FAM53A: variants seen among roughly 807,000 people sequenced by gnomAD.
FAM53A encodes the protein family with sequence similarity 53 member A, also known as protein FAM53A.
Under a neutral mutation model 26.6 loss-of-function variants are expected in FAM53A, and 28 were observed. The observed-to-expected ratio is 1.05, with a 90% CI of 0.78 to 1.45. The LOEUF (loss-of-function observed/expected upper bound fraction) is 1.45, where lower values mean the gene tolerates loss of function less well. Among genes scored for constraint, FAM53A ranks in the 40% most tolerant of loss-of-function variants. FAM53A has a pLI of 0.00. For synonymous variants in FAM53A, 290 were observed against 253.1 expected (o/e 1.15, Z -1.38); for missense variants, 650 against 575.8 (o/e 1.13, Z -1.32).
chr4:1,601,536 C>A, the FAM53A span, among the ~76,000 whole-genome samples: 3 of 112,456 alleles, frequency 2.7e-5, 1 homozygote, highest in Non-Finnish European at 6.5e-5. Flanking sequence ...CAGCCCCCAC[C>A]TGGAAAGTCT....
chr4:1,636,942 A>C (rs1715870424), downstream of FAM53A, among the ~76,000 whole-genome samples: 1 of 151,726 alleles, frequency 6.6e-6, no homozygotes, highest in African/African-American at 2.4e-5. Flanking sequence ...AGTGTTACCC[A>C]TGGCCCCAGC....
intron 1 of FAM53A, among the ~76,000 whole-genome samples, chr4:1,632,067 G>A (rs776245132): frequency 1.3e-5 from 2 of 151,774 alleles, no homozygotes; most frequent in African/African-American, 4.8e-5. Flanking sequence ...AGGAGGGTGA[G>A]GTAGGAGAAT....
chr4:1,673,900 G>A (rs2109032124), intron 1 of FAM53A, among the ~76,000 whole-genome samples: 1 of 152,394 alleles, frequency 6.6e-6, no homozygotes, highest in East Asian at 1.9e-4. Flanking sequence ...CCTGCTGGGA[G>A]CCCAGGAGAC....
At chr4:1,576,684 G>GC in the FAM53A span, among the ~76,000 whole-genome samples, 2 of 152,230 alleles carry the variant, frequency 1.3e-5, no homozygotes, top group African/African-American at 4.8e-5. Flanking sequence ...CGGTGGGCAG[G>GC]CCGGGGACGC....
At chr4:1,658,882 G>A (rs866869206) in intron 2 of FAM53A, among the ~76,000 whole-genome samples, 2 of 152,242 alleles carry the variant, frequency 1.3e-5, no homozygotes, top group Non-Finnish European at 2.9e-5. Context: ...ACAAGGACAC[G>A]GCTGTCCCGC....
At chr4:1,656,120 G>T (rs1443911940) in intron 3 of FAM53A, among the ~76,000 whole-genome samples, 1 of 152,144 alleles carries the variant, frequency 6.6e-6, no homozygotes, top group Non-Finnish European at 1.5e-5. Context: ...GACTCTCCAG[G>T]GCCCCTTCTT....
chr4:1,670,818 C>T (rs1354253282), intron 1 of FAM53A, among the ~76,000 whole-genome samples: 1 of 152,176 alleles, frequency 6.6e-6, no homozygotes, highest in African/African-American at 2.4e-5. Flanking sequence ...CCACGCTGGT[C>T]GATGTCAGCT....
At chr4:1,597,764 A>G in the FAM53A span, among the ~76,000 whole-genome samples, 812 of 152,318 alleles carry the variant, frequency 5.3e-3, 8 homozygotes, top group African/African-American at 0.019. Context: ...GGGAGGCCTA[A>G]GCAGGCAGAT....
In FAM53A at chr4:1,659,870, G is replaced by A. The variant is rs1480550818; in HGVS notation, c.76-2402C>T. Among the ~76,000 whole-genome samples, 1 of 152,162 alleles carries A rather than the reference G, an allele frequency of 6.6e-6. No homozygotes were observed. The highest frequency in any genetic ancestry group is 1.9e-4 in the East Asian group (1 of 5,198). On this transcript the variant is annotated intron_variant, in intron 2 of 4. Transcript: ENST00000308132. This position sits in a 1 kb window ranked among gnomAD's most constrained non-coding sequence, Gnocchi z 5.2. ...TATGCGCACTTAATTCCATTCATGA[G>A]GGCACTGCCGCCATGACCTAAGCAC...
chr4:1,657,176 T>C (rs1713448525), intron 3 of FAM53A, among the ~76,000 whole-genome samples: 1 of 152,166 alleles, frequency 6.6e-6, no homozygotes, highest in African/African-American at 2.4e-5. Flanking sequence ...GGGAGAGACC[T>C]GGCTGGGCCC....
At chr4:1,650,326 T>G (rs1712658312) in intron 4 of FAM53A, among the ~76,000 whole-genome samples, 1 of 142,150 alleles carries the variant, frequency 7.0e-6, no homozygotes, top group Non-Finnish European at 1.5e-5. Context: ...AGGCATAGTG[T>G]TTGACTGTGA....
Position 1,655,353 on chromosome 4 carries a change from C to G in FAM53A, c.507G>C (p.Leu169=). ...ATRQGSPGAV[L]PRSAVWSTGP... ...CGGTCGACCACACAGCACTCCTCGG[C>G]AGGACGGCGCCGGGGCTTCCCTGCC... Residue 169 remains leucine, a synonymous_variant, in exon 4 of 5, where the codon CTG becomes CTC. Coordinates refer to ENST00000308132, the MANE Select transcript of FAM53A (RefSeq NM_001174070.3). 1 of 1,437,674 alleles carries G rather than the reference C, an allele frequency of 7.0e-7. No homozygotes were observed. Among genetic ancestry groups the G allele is most frequent in the Non-Finnish European group, 9.1e-7 (1 of 1,097,600 alleles). The allele number at this position is 1,437,674 out of a possible 1,614,324, so 89.1% of individuals were successfully genotyped here.
downstream of FAM53A, among the ~76,000 whole-genome samples, chr4:1,612,998 C>T (rs571426668): frequency 8.5e-5 from 13 of 152,316 alleles, no homozygotes; most frequent in East Asian, 3.9e-4. Flanking sequence ...CAGACACCTG[C>T]GCACACACTG....
At chr4:1,592,793 G>A in the FAM53A span, among the ~76,000 whole-genome samples, 1 of 152,148 alleles carries the variant, frequency 6.6e-6, no homozygotes, top group Non-Finnish European at 1.5e-5. Context: ...CCACAGGGAG[G>A]AGAGGCGGCC....
chr4:1,599,356 G>A, the FAM53A span, among the ~76,000 whole-genome samples: 3 of 152,202 alleles, frequency 2.0e-5, no homozygotes, highest in Non-Finnish European at 4.4e-5. This position sits in a 1 kb window ranked among gnomAD's most constrained non-coding sequence, Gnocchi z 6.1. Context: ...AGTGGGACTC[G>A]GGCCAGCCAG....
At chr4:1,586,001 T>A in the FAM53A span, among the ~76,000 whole-genome samples, 2 of 152,176 alleles carry the variant, frequency 1.3e-5, no homozygotes, top group Admixed American at 6.5e-5. Context: ...CCTCCCAAAG[T>A]GCTGGGATTA....
chr4:1,668,955 T>G (rs886164728), intron 1 of FAM53A, 50 bp from the exon 2 acceptor site: 6 of 520,536 alleles, frequency 1.2e-5, no homozygotes, highest in Non-Finnish European at 1.7e-5. Context: ...CAAAACCATT[T>G]TGTTGATGTT....
At position 1,655,379 on chromosome 4, in the gene FAM53A, G is replaced by A. The variant is rs771752382; in HGVS notation, c.481C>T (p.Arg161Trp). Reference protein sequence around the residue: ...RRCDSGGSATRQGSPGAVLPR... With the variant: ...RRCDSGGSATWQGSPGAVLPR... ...AGGACGGCGCCGGGGCTTCCCTGCC[G>A]CGTGGCACTCCCGCCGCTGTCGCAC... is the stretch of plus-strand genomic sequence containing the variant. Residue 161 changes from arginine to tryptophan, a missense_variant, in exon 4 of 5, where the codon CGG becomes TGG. Transcript: ENST00000308132. 29 of 1,448,006 alleles carry A rather than the reference G, an allele frequency of 2.0e-5. No individual in the cohort carries two copies. Among genetic ancestry groups the A allele is most frequent in the South Asian group, 1.3e-4 (9 of 68,458 alleles). 89.7% of individuals were successfully genotyped at this position (1,448,006 alleles called of 1,614,324 possible). A position where few individuals can be genotyped will look rare whatever the true frequency, so the allele number is the denominator to read the frequency against.
At chr4:1,602,915 C>T in the FAM53A span, among the ~76,000 whole-genome samples, 1 of 152,200 alleles carries the variant, frequency 6.6e-6, no homozygotes, top group Non-Finnish European at 1.5e-5. Context: ...ACGCCCCCTC[C>T]GTCTACCCGC....
Sources: allele counts gnomAD v4.1 joint callset (sites outside exome capture counted in the v4.1 genomes callset), GRCh38; gene constraint gnomAD v4.1.1; non-coding constraint Gnocchi (gnomAD v3.1); transcripts MANE v1.5; gene names NCBI Gene and HGNC (gene_info 2026-07-23, HGNC 2026-07-21).